ZNRF1: variants seen among roughly 807,000 people sequenced by gnomAD.
The protein encoded by ZNRF1 is zinc and ring finger 1.
In ZNRF1, 3 loss-of-function variants were observed where a neutral mutation model predicts 18.4. The ratio of observed to expected loss-of-function variants is 0.16; its 90% confidence interval spans 0.07 to 0.42. The LOEUF is 0.42. Among genes scored for constraint, ZNRF1 ranks in the 10% least tolerant of loss-of-function variants. The pLI is 0.99. For missense variants in ZNRF1, 310 were observed against 329.8 expected, an observed-to-expected ratio of 0.94 and a Z score of 0.47; for synonymous variants, 157 against 144.2, an observed-to-expected ratio of 1.09 and a Z score of -0.64.
intron 1 of ZNRF1, among the ~76,000 whole-genome samples, chr16:75,052,755 A>G (rs1597882658): frequency 6.6e-6 from 1 of 152,218 alleles, no homozygotes; most frequent in Non-Finnish European, 1.5e-5. Flanking sequence ...AACATTGTCT[A>G]TATTGCTTTA....
At chr16:75,085,768 C>G in intron 1 of ZNRF1, among the ~76,000 whole-genome samples, 1 of 136,514 alleles carries the variant, frequency 7.3e-6, no homozygotes, top group African/African-American at 2.9e-5. Context: ...TCAGTGTTTT[C>G]TAGAGAAACA....
chr16:75,076,043 T>C (rs1328526155), intron 1 of ZNRF1, among the ~76,000 whole-genome samples: 1 of 152,214 alleles, frequency 6.6e-6, no homozygotes, highest in African/African-American at 2.4e-5. Context: ...GAATGGCCCT[T>C]TTGTATGCCA....
At position 75,068,960 on chromosome 16, in the gene ZNRF1, C is replaced by T. The variant is rs142347888; in HGVS notation, c.425-24612C>T. On this transcript the variant is annotated intron_variant, in intron 1 of 4. Coordinates refer to ENST00000335325, the MANE Select transcript of ZNRF1 (RefSeq NM_032268.5). ...AGCATTAAAAAATTCGAGGGTCCCA[C>T]CCCCTCCTCCCTCTCTTCATTCAGA... Among the ~76,000 whole-genome samples the T allele has an allele frequency of 3.0e-3, 454 of 151,980 alleles. 3 individuals are homozygous for T. Among genetic ancestry groups the T allele is most frequent in the African/African-American group, 0.01 (433 of 41,448 alleles).
At chr16:75,040,651 G>C (rs1426182200) in intron 1 of ZNRF1, among the ~76,000 whole-genome samples, 1 of 135,274 alleles carries the variant, frequency 7.4e-6, no homozygotes, top group African/African-American at 3.0e-5. Flanking sequence ...TTGTTGCCCA[G>C]GCTGGAGTGC....
intron 1 of ZNRF1, among the ~76,000 whole-genome samples, chr16:75,052,021 A>T (rs538765167): frequency 2.0e-5 from 3 of 152,342 alleles, no homozygotes; most frequent in South Asian, 4.1e-4. Context: ...GAAAGTTTAC[A>T]TACAAAGAAA....
chr16:75,079,276 T>A (rs2035981256), intron 1 of ZNRF1, among the ~76,000 whole-genome samples: 1 of 152,034 alleles, frequency 6.6e-6, no homozygotes, highest in African/African-American at 2.4e-5. Flanking sequence ...GGTCAAAAGA[T>A]CAAGACCATC....
chr16:75,057,922 G>C (rs370728897), intron 1 of ZNRF1, among the ~76,000 whole-genome samples: 1 of 152,160 alleles, frequency 6.6e-6, no homozygotes, highest in African/African-American at 2.4e-5. Context: ...GTTTACAGGC[G>C]TGAGCCACCA....
At chr16:75,102,492 C>T (rs2036265546) in intron 2 of ZNRF1, among the ~76,000 whole-genome samples, 1 of 152,218 alleles carries the variant, frequency 6.6e-6, no homozygotes, top group African/African-American at 2.4e-5. Flanking sequence ...CTGCCACAAG[C>T]TCTGCCTTCT....
rs2034795068 is a variant in ZNRF1, at chr16:74,999,033, A to ACGGCGGCGAGGAG, written c.-636_-624dup. On this transcript the variant is annotated 5_prime_UTR_variant, in exon 1 of 5. Transcript: ENST00000335325. Reference sequence around the variant, plus strand: ...CGCTCTGCCGCCCTCCATTGTCTCCACGGCGGCGAGGAGCGCCGGCGAGCG... The same window carrying ACGGCGGCGAGGAG: ...CGCTCTGCCGCCCTCCATTGTCTCCACGGCGGCGAGGAGCGGCGGCGAGGAGCGCCGGCGAGCG... The ACGGCGGCGAGGAG allele has an allele frequency of 6.6e-6, 1 of 150,794 alleles. No homozygotes were observed. The highest frequency in any genetic ancestry group is 2.0e-4 in the South Asian group (1 of 4,914). The allele number at this position is 150,794 out of a possible 1,614,324, so 9.3% of individuals were successfully genotyped here.
intron 1 of ZNRF1, among the ~76,000 whole-genome samples, chr16:75,002,068 C>T (rs138893995): frequency 2.0e-5 from 3 of 152,254 alleles, no homozygotes; most frequent in East Asian, 3.9e-4. Context: ...TCGAGCATAC[C>T]TACTAAATGC....
chr16:75,000,695 C>T (rs1282287159), intron 1 of ZNRF1, among the ~76,000 whole-genome samples: 1 of 152,204 alleles, frequency 6.6e-6, no homozygotes, highest in Non-Finnish European at 1.5e-5. Flanking sequence ...GCCCAGCCGG[C>T]GAGTCTCGCG....
chr16:75,049,252 G>A (rs144791315), intron 1 of ZNRF1, among the ~76,000 whole-genome samples: 448 of 152,140 alleles, frequency 2.9e-3, no homozygotes, highest in African/African-American at 0.01. Flanking sequence ...TGATCTGCCC[G>A]CTTTGGCCCC....
At chr16:75,058,649 A>C (rs1040805631) in intron 1 of ZNRF1, among the ~76,000 whole-genome samples, 1 of 152,198 alleles carries the variant, frequency 6.6e-6, no homozygotes, top group Admixed American at 6.5e-5. Context: ...AGTAAGTAGC[A>C]AACCTCATCA....
intron 1 of ZNRF1, among the ~76,000 whole-genome samples, chr16:75,059,039 C>T (rs1156680149): frequency 1.3e-5 from 2 of 152,086 alleles, no homozygotes; most frequent in African/African-American, 4.8e-5. Flanking sequence ...GTGAAGGAAG[C>T]CTCAGAATGT....
chr16:75,018,941 G>T (rs1450303979), intron 1 of ZNRF1, among the ~76,000 whole-genome samples: 1 of 152,064 alleles, frequency 6.6e-6, no homozygotes, highest in South Asian at 2.1e-4. Flanking sequence ...TGAGGCAGGC[G>T]GATCATTTGA....
At chr16:75,050,257 G>A (rs2035576031) in intron 1 of ZNRF1, among the ~76,000 whole-genome samples, 3 of 152,118 alleles carry the variant, frequency 2.0e-5, no homozygotes, top group Admixed American at 2.0e-4. Flanking sequence ...CAGATGCAGT[G>A]GCTCACTCCT....
chr16:75,000,079 G>A lies in ZNRF1; in HGVS notation c.408G>A (p.Trp136Ter). ...TACCTCTGCACATCGCACCCAGGTGGTTCAGCTCGCATAGTGGTGAGTCCG... is the reference window on the plus strand; with the variant it reads ...TACCTCTGCACATCGCACCCAGGTGATTCAGCTCGCATAGTGGTGAGTCCG... ...DALPLHIAPR[W>*]FSSHSGFKCP... The change falls in exon 1 of 5, where the codon TGG (tryptophan) becomes TGA (stop). Residue 136 changes from tryptophan (W) to a stop codon, truncating the protein, a stop_gained. Coordinates refer to ENST00000335325, the MANE Select transcript of ZNRF1 (RefSeq NM_032268.5). LOFTEE classifies it high-confidence loss of function. 6.2e-7 allele frequency: 1 copy of A among 1,601,684 alleles called. No individual in the cohort carries two copies. Among genetic ancestry groups the A allele is most frequent in the Non-Finnish European group, 8.5e-7 (1 of 1,175,344 alleles).
In ZNRF1 at chr16:75,048,108, G is replaced by A. The variant is rs890531990; in HGVS notation, c.425-45464G>A. ...GCTGGAACTACAGGCACGCCGCCACGTCTGGCTGATTTTTGTATTTTCTGT... is the reference window on the plus strand; with the variant it reads ...GCTGGAACTACAGGCACGCCGCCACATCTGGCTGATTTTTGTATTTTCTGT... On this transcript the variant is annotated intron_variant, in intron 1 of 4. Coordinates refer to ENST00000335325, the MANE Select transcript of ZNRF1 (RefSeq NM_032268.5). 3.3e-5 allele frequency among the ~76,000 whole-genome samples: 5 copies of A among 152,070 alleles called. No homozygotes were observed. In the East Asian group the frequency reaches 5.8e-4, roughly 18 times the overall value.
chr16:75,068,659 A>T (rs2035833238), intron 1 of ZNRF1, among the ~76,000 whole-genome samples: 1 of 151,976 alleles, frequency 6.6e-6, no homozygotes, highest in South Asian at 2.1e-4. Flanking sequence ...CTCCGAGACC[A>T]GCTGCTGCAG....
Sources: allele counts gnomAD v4.1 joint callset (sites outside exome capture counted in the v4.1 genomes callset), GRCh38; gene constraint gnomAD v4.1.1; transcripts MANE v1.5; gene names NCBI Gene and HGNC (gene_info 2026-07-23, HGNC 2026-07-21).